The following FNIP1 variants were observed in gnomAD, a reference collection of about 807,000 sequenced individuals.
FNIP1 encodes the protein folliculin interacting protein 1, also known as folliculin-interacting protein 1.
In FNIP1, 40 loss-of-function variants were observed where a neutral mutation model predicts 124.5. The observed-to-expected ratio is 0.32, with a 90% CI of 0.25 to 0.42. The LOEUF is 0.42. Among genes scored for constraint, FNIP1 ranks in the 10% least tolerant of loss-of-function variants. The pLI is 1.00. For synonymous variants in FNIP1, 472 were observed against 470.6 expected, an observed-to-expected ratio of 1.00 and a Z score of -0.04; for missense variants, 1,176 against 1,403.7, an observed-to-expected ratio of 0.84 and a Z score of 2.59.
chr5:131,686,253 T>G (rs1028249714), intron 11 of FNIP1, among the ~76,000 whole-genome samples: 3 of 152,208 alleles, frequency 2.0e-5, no homozygotes, highest in East Asian at 1.9e-4. Flanking sequence ...CTGCTAAGAG[T>G]TGAACAGTAA....
intron 3 of FNIP1, among the ~76,000 whole-genome samples, chr5:131,725,294 G>T (rs913604303): frequency 6.6e-6 from 1 of 152,118 alleles, no homozygotes; most frequent in African/African-American, 2.4e-5. Context: ...CTATAGGCAT[G>T]ATAGCCATTT....
At chr5:131,665,061 C>A (rs568184885) in intron 15 of FNIP1, among the ~76,000 whole-genome samples, 1 of 151,924 alleles carries the variant, frequency 6.6e-6, no homozygotes, top group Non-Finnish European at 1.5e-5. Flanking sequence ...TATATAAATA[C>A]ACATACATAC....
At chr5:131,714,420 G>A (rs1769399354) in intron 6 of FNIP1, among the ~76,000 whole-genome samples, 2 of 151,984 alleles carry the variant, frequency 1.3e-5, no homozygotes, top group Non-Finnish European at 2.9e-5. Context: ...TTGGCAAACC[G>A]TTAAAAAAAA....
chr5:131,707,067 A>C (rs984859734), intron 8 of FNIP1, among the ~76,000 whole-genome samples: 54 of 152,182 alleles, frequency 3.5e-4, no homozygotes, highest in African/African-American at 1.2e-3. Flanking sequence ...CTAAGCTCCA[A>C]AAAAAGAATG....
At chr5:131,660,787 C>CACGG (rs756496640) in intron 15 of FNIP1, among the ~76,000 whole-genome samples, 6 of 152,176 alleles carry the variant, frequency 3.9e-5, no homozygotes, top group Non-Finnish European at 8.8e-5. Flanking sequence ...GCTACCTGCC[C>CACGG]ACGGTGTGGT....
intron 2 of FNIP1, among the ~76,000 whole-genome samples, chr5:131,739,543 G>C (rs867517409): frequency 1.3e-4 from 20 of 152,240 alleles, no homozygotes; most frequent in Non-Finnish European, 1.8e-4. Context: ...GCCAGGCGTG[G>C]TGGCTCACGC....
chr5:131,796,934 C>G lies in FNIP1; in HGVS notation c.-13G>C. 6.3e-7 allele frequency: 1 copy of G among 1,592,968 alleles called. No individual in the cohort carries two copies. The highest frequency in any genetic ancestry group is 8.5e-7 in the Non-Finnish European group (1 of 1,170,392). ...GCGTAGGGGCCATGCTAGCCACGGCCAGGCAGGGGTCGCTCCGCTGGGCGC... is the reference window on the plus strand; with the variant it reads ...GCGTAGGGGCCATGCTAGCCACGGCGAGGCAGGGGTCGCTCCGCTGGGCGC... On this transcript the variant is annotated 5_prime_UTR_variant, in exon 1 of 18. Coordinates refer to ENST00000510461, the MANE Select transcript of FNIP1 (RefSeq NM_133372.3).
intron 1 of FNIP1, among the ~76,000 whole-genome samples, chr5:131,788,607 A>G (rs1214969973): frequency 1.3e-5 from 2 of 151,676 alleles, no homozygotes; most frequent in Admixed American, 6.6e-5. Context: ...AGGCTGAGGC[A>G]TAAGAATTGC....
chr5:131,682,877 G>A (rs191879910), intron 11 of FNIP1, among the ~76,000 whole-genome samples: 6 of 152,110 alleles, frequency 3.9e-5, no homozygotes, highest in East Asian at 1.9e-4. Context: ...CCCAGTGCCC[G>A]GACAATGAAA....
chr5:131,717,051 A>G (rs1041656597), intron 5 of FNIP1, among the ~76,000 whole-genome samples: 1 of 151,862 alleles, frequency 6.6e-6, no homozygotes, highest in African/African-American at 2.4e-5. Flanking sequence ...GGTTTGTTAC[A>G]TATGTATACA....
chr5:131,688,037 T>C (rs752775034), intron 11 of FNIP1, among the ~76,000 whole-genome samples: 1 of 151,554 alleles, frequency 6.6e-6, no homozygotes, highest in African/African-American at 2.4e-5. Context: ...GAAAGAAAAA[T>C]AGGTGGCAGG....
rs761698757 is a variant in FNIP1, at chr5:131,730,896, G to T, written c.354+8C>A. On this transcript the variant is annotated splice_region_variant and intron_variant, in intron 3 of 17. Coordinates refer to ENST00000510461, the MANE Select transcript of FNIP1 (RefSeq NM_133372.3). ...GAATGAATAAATAAATGACATCAAT[G>T]ATCTTACCTGGTACTTAAGACACTG... 2 of 1,590,316 alleles carry T rather than the reference G, an allele frequency of 1.3e-6. No individual in the cohort carries two copies. The highest frequency in any genetic ancestry group is 1.7e-4 in the Middle Eastern group (1 of 5,950).
intron 3 of FNIP1, among the ~76,000 whole-genome samples, chr5:131,726,004 T>G (rs946952159): frequency 2.0e-5 from 3 of 152,210 alleles, no homozygotes; most frequent in African/African-American, 7.2e-5. Context: ...ATTTATTGAT[T>G]TGCATATGTT....
At chr5:131,695,952 G>C (rs142470043) in intron 11 of FNIP1, among the ~76,000 whole-genome samples, 2 of 152,164 alleles carry the variant, frequency 1.3e-5, no homozygotes, top group African/African-American at 4.8e-5. Flanking sequence ...CAATGGTTAG[G>C]ATATGTATCC....
At chr5:131,773,260 G>C (rs1771701642) in intron 1 of FNIP1, among the ~76,000 whole-genome samples, 1 of 152,132 alleles carries the variant, frequency 6.6e-6, no homozygotes, top group Admixed American at 6.5e-5. Context: ...TGGACACTGT[G>C]AGATTATAAA....
At position 131,658,907 on chromosome 5, in the gene FNIP1, C is replaced by CAAAAAAAA. The variant is rs70974003; in HGVS notation, c.3109-6916_3109-6909dup. Among the ~76,000 whole-genome samples, 156 of 41,148 alleles carry CAAAAAAAA rather than the reference C, an allele frequency of 3.8e-3. 11 individuals carry two copies. The highest frequency in any genetic ancestry group is 0.012 in the African/African-American group (116 of 9,764). 27.0% of individuals were successfully genotyped at this position (41,148 alleles called of 152,430 possible). On this transcript the variant is annotated intron_variant, in intron 15 of 17. Transcript: ENST00000510461. ...CCAGTTTTTAAATCCTGGGTCTAGCCAAAAAAAAAAAAAAAAAAAAAAAAA... is the reference window on the plus strand; with the variant it reads ...CCAGTTTTTAAATCCTGGGTCTAGCCAAAAAAAAAAAAAAAAAAAAAAAAAAAAAAAAA...
chr5:131,651,694 G>A (rs905407721), intron 16 of FNIP1, 108 bp downstream of exon 16: 22 of 986,906 alleles, frequency 2.2e-5, no homozygotes, highest in East Asian at 5.2e-5. Context: ...ATATGAGTTC[G>A]GGTAATGACA....
chr5:131,794,196 C>T (rs1444657969), intron 1 of FNIP1, among the ~76,000 whole-genome samples: 1 of 129,268 alleles, frequency 7.7e-6, no homozygotes, highest in East Asian at 2.2e-4. Flanking sequence ...TGTATCATGG[C>T]ACTCTAGCCT....
chr5:131,694,775 A>C (rs918858617), intron 11 of FNIP1, among the ~76,000 whole-genome samples: 1 of 152,156 alleles, frequency 6.6e-6, no homozygotes, highest in African/African-American at 2.4e-5. Context: ...ACATTAGTTC[A>C]TTAGTTTTAA....
Sources: allele counts gnomAD v4.1 joint callset (sites outside exome capture counted in the v4.1 genomes callset), GRCh38; gene constraint gnomAD v4.1.1; transcripts MANE v1.5; gene names NCBI Gene and HGNC (gene_info 2026-07-23, HGNC 2026-07-21).